GLDC: variants seen among roughly 807,000 people sequenced by gnomAD.
GLDC encodes the protein glycine dehydrogenase (decarboxylating), mitochondrial.
A neutral mutation model predicts 121.3 loss-of-function variants in GLDC; 104 were observed. The ratio of observed to expected loss-of-function variants is 0.86; its 90% CI spans 0.73 to 1.01. GLDC has a LOEUF of 1.01. Among genes scored for constraint, GLDC ranks in the 50% least tolerant of loss-of-function variants. The pLI is 0.00. For synonymous variants in GLDC, 546 were observed against 480.6 expected, an observed-to-expected ratio of 1.14 and a Z score of -1.78; for missense variants, 1,429 against 1,306.6, an observed-to-expected ratio of 1.09 and a Z score of -1.44.
chr9:6,587,098 C>G (rs1238359998), intron 15 of GLDC, 43 bp downstream of exon 15: 1 of 1,557,720 alleles, frequency 6.4e-7, no homozygotes, highest in Non-Finnish European at 8.8e-7. Context: ...GTATGCTATA[C>G]AAGAATAGAT....
At chr9:6,583,315 A>G (rs1587943264) in intron 15 of GLDC, among the ~76,000 whole-genome samples, 1 of 152,234 alleles carries the variant, frequency 6.6e-6, no homozygotes, top group Non-Finnish European at 1.5e-5. Flanking sequence ...GAACAACTCA[A>G]GTGTCCCTCA....
At chr9:6,558,984 CA>C (rs1817690645) in intron 16 of GLDC, among the ~76,000 whole-genome samples, 1 of 152,166 alleles carries the variant, frequency 6.6e-6, no homozygotes, top group Non-Finnish European at 1.5e-5. Flanking sequence ...AACCTTGTCT[CA>C]GTTAGGATAC....
chr9:6,617,441 G>A (rs1020747605), intron 3 of GLDC, among the ~76,000 whole-genome samples: 1 of 152,080 alleles, frequency 6.6e-6, no homozygotes, highest in Non-Finnish European at 1.5e-5. Context: ...CTGGAATGCT[G>A]CAGCCCGTTC....
chr9:6,546,872 G>C (rs1258627126), intron 21 of GLDC, among the ~76,000 whole-genome samples: 2 of 151,974 alleles, frequency 1.3e-5, no homozygotes, highest in Non-Finnish European at 2.9e-5. Context: ...TGAGGCAGGA[G>C]AATCGCTTGA....
intron 20 of GLDC, among the ~76,000 whole-genome samples, chr9:6,551,858 A>T (rs1461927910): frequency 6.6e-6 from 1 of 152,196 alleles, no homozygotes; most frequent in Non-Finnish European, 1.5e-5. Flanking sequence ...AAACTTCTCT[A>T]GGAAGGACTT....
At chr9:6,562,922 T>C (rs995643396) in intron 16 of GLDC, among the ~76,000 whole-genome samples, 2 of 152,190 alleles carry the variant, frequency 1.3e-5, no homozygotes, top group African/African-American at 4.8e-5. Context: ...TTTGTATTTC[T>C]ACCAGCTCAG....
chr9:6,559,079 G>A (rs1587927159), intron 16 of GLDC, among the ~76,000 whole-genome samples: 3 of 152,246 alleles, frequency 2.0e-5, no homozygotes, highest in African/African-American at 7.2e-5. Context: ...TGCTCTGCTT[G>A]GCTTATCCAG....
At chr9:6,589,813 T>G (rs1818342190) in intron 11 of GLDC, among the ~76,000 whole-genome samples, 1 of 152,148 alleles carries the variant, frequency 6.6e-6, no homozygotes, top group Non-Finnish European at 1.5e-5. Flanking sequence ...TCCCAGCACT[T>G]TGGGAGGCCG....
At chr9:6,556,070 C>G (rs1817623238) in intron 18 of GLDC, 83 bp downstream of exon 18, 1 of 1,208,492 alleles carries the variant, frequency 8.3e-7, no homozygotes, top group Non-Finnish European at 1.2e-6. Context: ...GGCAGGAAGC[C>G]TCTCAAGAAG....
intron 16 of GLDC, among the ~76,000 whole-genome samples, chr9:6,559,090 G>C (rs992738727): frequency 6.6e-6 from 1 of 152,124 alleles, no homozygotes; most frequent in African/African-American, 2.4e-5. Flanking sequence ...GCTTATCCAG[G>C]ACAGATGATA....
chr9:6,572,491 G>A (rs1403095091), intron 15 of GLDC, among the ~76,000 whole-genome samples: 1 of 152,062 alleles, frequency 6.6e-6, no homozygotes, highest in African/African-American at 2.4e-5. Flanking sequence ...TGAGTCTATG[G>A]GAGAGACACG....
At chr9:6,584,882 G>A (rs1474071522) in intron 15 of GLDC, among the ~76,000 whole-genome samples, 2 of 152,220 alleles carry the variant, frequency 1.3e-5, no homozygotes, top group African/African-American at 4.8e-5. Flanking sequence ...TTGGGATAGG[G>A]TGTGGAGTCT....
chr9:6,602,025 A>T, intron 8 of GLDC, 84 bp downstream of exon 8: 1 of 878,992 alleles, frequency 1.1e-6, no homozygotes, highest in Admixed American at 1.7e-5. Flanking sequence ...GGTGGTGAAT[A>T]AATGAACAAA....
At chr9:6,546,062 T>C (rs1276293580) in intron 21 of GLDC, among the ~76,000 whole-genome samples, 5 of 152,382 alleles carry the variant, frequency 3.3e-5, no homozygotes, top group East Asian at 3.8e-4. Context: ...TCAATGTCCT[T>C]ATTCTATATG....
At position 6,554,755 on chromosome 9, in the gene GLDC, G is replaced by T; in HGVS notation, c.2229C>A (p.Phe743Leu). Reference sequence around the variant, plus strand: ...GATTTAGGTGCGAGACATCAGACCCGAAGTCTCCAGGGCGACAGATTCCCA... The same window carrying T: ...GATTTAGGTGCGAGACATCAGACCCTAAGTCTCCAGGGCGACAGATTCCCA... ...AQVGICRPGD[F>L]GSDVSHLNLH... The change falls in exon 19 of 25, where the codon TTC becomes TTA. Residue 743 changes from phenylalanine (F) to leucine (L), a missense_variant. Phe to Leu is a conservative substitution (Grantham distance 22, BLOSUM62 0). Coordinates refer to ENST00000321612, the MANE Select transcript of GLDC (RefSeq NM_000170.3). 6.2e-7 allele frequency: 1 copy of T among 1,613,292 alleles called. No individual in the cohort carries two copies. Among genetic ancestry groups the T allele is most frequent in the Non-Finnish European group, 8.5e-7 (1 of 1,179,712 alleles).
At chr9:6,577,072 GAAC>G (rs1818078931) in intron 15 of GLDC, among the ~76,000 whole-genome samples, 1 of 152,208 alleles carries the variant, frequency 6.6e-6, no homozygotes, top group Non-Finnish European at 1.5e-5. Flanking sequence ...ACTGCAGAAA[GAAC>G]AAAAGCCTTC....
In GLDC at chr9:6,592,126, G is replaced by A. The variant is rs1326751647; in HGVS notation, c.1482+17C>T. 6.7e-7 allele frequency: 1 copy of A among 1,499,896 alleles called. No individual in the cohort carries two copies. The highest frequency in any genetic ancestry group is 1.7e-5 in the Admixed American group (1 of 59,900). The allele number at this position is 1,499,896 out of a possible 1,614,324, so 92.9% of individuals were successfully genotyped here. A position where few individuals can be genotyped will look rare whatever the true frequency, so the allele number is the denominator to read the frequency against. ...CCAATAGTTATGATGAGGAACGCAT[G>A]TTTTTATTTTACTTACTGCAGATGA... is the stretch of plus-strand genomic sequence containing the variant. On this transcript the variant is annotated intron_variant, in intron 11 of 24. Transcript: ENST00000321612.
At chr9:6,611,613 T>C in intron 3 of GLDC, among the ~76,000 whole-genome samples, 1 of 152,198 alleles carries the variant, frequency 6.6e-6, no homozygotes, top group South Asian at 2.1e-4. Flanking sequence ...AAATATGTTT[T>C]ACAGCATCAT....
intron 2 of GLDC, among the ~76,000 whole-genome samples, chr9:6,634,135 G>A (rs1018816426): frequency 5.3e-5 from 8 of 151,948 alleles, no homozygotes; most frequent in African/African-American, 7.2e-5. Context: ...CGGCAGAGGC[G>A]GGAGAATCTT....
Sources: gnomAD v4.1 joint callset for allele counts (sites outside exome capture counted in the v4.1 genomes callset) on GRCh38, gnomAD v4.1.1 for gene constraint, MANE v1.5 for transcripts, NCBI Gene and HGNC (gene_info 2026-07-23, HGNC 2026-07-21) for gene names.